RETREG1: variants seen among roughly 807,000 people sequenced by gnomAD.
The protein encoded by RETREG1 is family with sequence similarity 134 member B.
Under a neutral mutation model 54.8 loss-of-function variants are expected in RETREG1, and 44 were observed. The observed-to-expected ratio is 0.80, with a 90% CI of 0.63 to 1.03. RETREG1 has a LOEUF of 1.03. RETREG1 is among the 50% of genes least tolerant of loss of function. The pLI, the probability that RETREG1 is intolerant of heterozygous loss-of-function variation, is 0.00. For missense variants in RETREG1, 554 were observed against 605.1 expected, an observed-to-expected ratio of 0.92 and a Z score of 0.89; for synonymous variants, 217 against 238.5, an observed-to-expected ratio of 0.91 and a Z score of 0.83.
At chr5:16,614,173 T>C (rs1487296188) in intron 1 of RETREG1, among the ~76,000 whole-genome samples, 2 of 152,250 alleles carry the variant, frequency 1.3e-5, no homozygotes, top group Non-Finnish European at 2.9e-5. Context: ...CACCCCTGGA[T>C]ACTATCAAAT....
At chr5:16,598,238 T>A (rs916362860) in intron 1 of RETREG1, among the ~76,000 whole-genome samples, 9 of 152,210 alleles carry the variant, frequency 5.9e-5, no homozygotes, top group African/African-American at 2.2e-4. Context: ...AAATGTCACT[T>A]CTTCTAGGTC....
At chr5:16,566,114 T>C (rs1213041022) in intron 2 of RETREG1, among the ~76,000 whole-genome samples, 1 of 152,092 alleles carries the variant, frequency 6.6e-6, no homozygotes, top group Non-Finnish European at 1.5e-5. Flanking sequence ...CAAGTAAATA[T>C]GAACCAAGAT....
intron 3 of RETREG1, among the ~76,000 whole-genome samples, chr5:16,503,278 G>A (rs540067347): frequency 6.6e-6 from 1 of 152,242 alleles, no homozygotes; most frequent in South Asian, 2.1e-4. Context: ...TTAAATATTA[G>A]CCCAGCTGGG....
intron 3 of RETREG1, among the ~76,000 whole-genome samples, chr5:16,551,515 A>G (rs899186): frequency 0.83 from 126,017 of 152,004 alleles, 52,238 homozygotes; most frequent in Middle Eastern, 0.86. Flanking sequence ...CTTGCCCAGT[A>G]AGGACATTCT....
rs1738616499 is a variant in RETREG1, at chr5:16,478,043, AAG to A, written c.862_863del (p.Cys289SerfsTer2). On this transcript the variant is annotated frameshift_variant, in exon 7 of 9. Transcript: ENST00000306320. LOFTEE classifies it high-confidence loss of function. ...ACTAAACAAAAAATACCTTAGGACAAAGAGCTGAAAAGTCTAATTCACTGTCA... is the reference window on the plus strand; with the variant it reads ...ACTAAACAAAAAATACCTTAGGACAAAGCTGAAAAGTCTAATTCACTGTCA... ...KDDSELDFSA[L>X]CPKISLTVAA... is the part of the protein sequence containing the mutation. 6.2e-7 allele frequency: 1 copy of A among 1,608,570 alleles called. No individual in the cohort carries two copies. Among genetic ancestry groups the A allele is most frequent in the Non-Finnish European group, 8.5e-7 (1 of 1,176,990 alleles).
At position 16,496,026 on chromosome 5, in the gene RETREG1, A is replaced by C. The variant is rs183718238; in HGVS notation, c.459-12554T>G. On this transcript the variant is annotated intron_variant, in intron 3 of 8. Transcript: ENST00000306320. ...ATTTCTAGTTTTATTTATTTAAAAAAGGAGCAAGGATTTAATGACAGAAGT... is the reference window on the plus strand; with the variant it reads ...ATTTCTAGTTTTATTTATTTAAAAACGGAGCAAGGATTTAATGACAGAAGT... Among the ~76,000 whole-genome samples the C allele has an allele frequency of 4.7e-3, 723 of 152,290 alleles. 2 individuals carry two copies. The highest frequency in any genetic ancestry group is 8.6e-3 in the Non-Finnish European group (587 of 68,026).
chr5:16,509,898 GTGAGAGAATTGCT>G (rs1243292577), intron 3 of RETREG1, among the ~76,000 whole-genome samples: 1 of 152,210 alleles, frequency 6.6e-6, no homozygotes, highest in Non-Finnish European at 1.5e-5. Flanking sequence ...GGAGGCTGGA[GTGAGAGAATTGCT>G]TGAGCCCCAG....
At chr5:16,537,813 G>A (rs1244097744) in intron 3 of RETREG1, among the ~76,000 whole-genome samples, 3 of 152,092 alleles carry the variant, frequency 2.0e-5, no homozygotes, top group Non-Finnish European at 4.4e-5. Context: ...ATTCTCAGAC[G>A]CAGTGCTCTT....
At chr5:16,549,171 A>C (rs1430458348) in intron 3 of RETREG1, among the ~76,000 whole-genome samples, 3 of 152,232 alleles carry the variant, frequency 2.0e-5, no homozygotes, top group Non-Finnish European at 4.4e-5. Context: ...ATACTGATAA[A>C]ATTATCGATC....
chr5:16,516,673 A>T (rs1329668286), intron 3 of RETREG1, among the ~76,000 whole-genome samples: 1 of 152,192 alleles, frequency 6.6e-6, no homozygotes, highest in Non-Finnish European at 1.5e-5. Flanking sequence ...AGTGTGCCCA[A>T]TCAGGCTGTA....
chr5:16,577,303 T>C lies in RETREG1; in HGVS notation c.321-5201A>G, dbSNP rs561728471. Among the ~76,000 whole-genome samples the C allele has an allele frequency of 3.1e-3, 438 of 143,540 alleles. 3 individuals carry two copies. Among genetic ancestry groups the C allele is most frequent in the African/African-American group, 8.4e-3 (332 of 39,474 alleles). 94.2% of individuals were successfully genotyped at this position (143,540 alleles called of 152,430 possible). The stretch of plus-strand genomic sequence containing the variant: ...GACTTAGGTTTGTTTTTTTTTTTTT[T>C]CCCTCTAAAACCCAAAGATAGGTGG... On this transcript the variant is annotated intron_variant, in intron 1 of 8. Coordinates refer to ENST00000306320, the MANE Select transcript of RETREG1 (RefSeq NM_001034850.3).
Position 16,616,681 on chromosome 5 carries a change from G to C in RETREG1, c.291C>G (p.Leu97=). The C allele has an allele frequency of 2.5e-6, 4 of 1,596,302 alleles. No individual in the cohort carries two copies. Among genetic ancestry groups the C allele is most frequent in the South Asian group, 1.1e-5 (1 of 89,864 alleles). Residue 97 remains leucine (L), a synonymous_variant, in exon 1 of 9, where the codon CTC becomes CTG. Coordinates refer to ENST00000306320, the MANE Select transcript of RETREG1 (RefSeq NM_001034850.3). ...LSWKRPLRSL[L]GFVAANLLFW... ...ACAGCAGGTTGGCAGCGACGAAGCC[G>C]AGCAGGCTCCGCAGCGGCCTCTTCC... is the stretch of plus-strand genomic sequence containing the variant.
rs1738410642 is a variant in RETREG1 at position 16,473,906 on chromosome 5, G to A, written c.*835C>T. The A allele has an allele frequency of 1.3e-5, 2 of 152,032 alleles. No individual in the cohort carries two copies. The highest frequency in any genetic ancestry group is 1.3e-4 in the Admixed American group (2 of 15,266). The allele number at this position is 152,032 out of a possible 1,614,324, so 9.4% of individuals were successfully genotyped here. On this transcript the variant is annotated 3_prime_UTR_variant, in exon 9 of 9. Coordinates refer to ENST00000306320, the MANE Select transcript of RETREG1 (RefSeq NM_001034850.3). ...TTCATGACATAATATAAAAGATAAGGGTCTAACTTAAGTCTGAGCAGGCAG... is the reference window on the plus strand; with the variant it reads ...TTCATGACATAATATAAAAGATAAGAGTCTAACTTAAGTCTGAGCAGGCAG...
intron 8 of RETREG1, 41 bp downstream of exon 8, chr5:16,477,621 T>C: frequency 6.3e-7 from 1 of 1,589,892 alleles, no homozygotes; most frequent in Non-Finnish European, 8.6e-7. Flanking sequence ...TAGTTTTGTA[T>C]GCACTCATAA....
Position 16,536,736 on chromosome 5 carries a change from C to T in RETREG1, c.458+29027G>A, listed in dbSNP as rs145526097. ...AGTGGGAACATTTTTTGCCAAAAGA[C>T]TGAAAATCAGTGCAAGGTGTCAATG... is the stretch of plus-strand genomic sequence containing the variant. On this transcript the variant is annotated intron_variant, in intron 3 of 8. Coordinates refer to ENST00000306320, the MANE Select transcript of RETREG1 (RefSeq NM_001034850.3). Among the ~76,000 whole-genome samples the T allele has an allele frequency of 4.4e-3, 666 of 152,248 alleles. 4 individuals are homozygous for T. The highest frequency in any genetic ancestry group is 0.016 in the African/African-American group (644 of 41,534).
chr5:16,597,597 A>AG lies in RETREG1; in HGVS notation c.320+19054dup, dbSNP rs1476671475. ...CACCTCCAGAACCCTCCCAGGGAGA[A>AG]GGGCACTTCCAACCTGCACTGCCCT... is the stretch of plus-strand genomic sequence containing the variant. On this transcript the variant is annotated intron_variant, in intron 1 of 8. Coordinates refer to ENST00000306320, the MANE Select transcript of RETREG1 (RefSeq NM_001034850.3). The surrounding 1 kb of genome is among the most constrained non-coding windows in gnomAD (Gnocchi z 4.3). Among the ~76,000 whole-genome samples, 1 of 152,068 alleles carries AG rather than the reference A, an allele frequency of 6.6e-6. No homozygotes were observed. Among genetic ancestry groups the AG allele is most frequent in the African/African-American group, 2.4e-5 (1 of 41,410 alleles).
At chr5:16,542,600 C>T (rs547053955) in intron 3 of RETREG1, among the ~76,000 whole-genome samples, 5 of 152,122 alleles carry the variant, frequency 3.3e-5, no homozygotes, top group Non-Finnish European at 7.4e-5. Flanking sequence ...TACACTTGTC[C>T]ATCTGTGTAC....
rs1205143164 is a variant in RETREG1, at chr5:16,594,529, A to G, written c.320+22123T>C. 6.6e-6 allele frequency among the ~76,000 whole-genome samples: 1 copy of G among 152,114 alleles called. No individual in the cohort carries two copies. The highest frequency in any genetic ancestry group is 6.5e-5 in the Admixed American group (1 of 15,280). ...CACCTGAACTCAGGAGATCAAGACC[A>G]GCCTCACCAACATGGCAAAACCCCA... On this transcript the variant is annotated intron_variant, in intron 1 of 8. Coordinates refer to ENST00000306320, the MANE Select transcript of RETREG1 (RefSeq NM_001034850.3). The surrounding 1 kb of genome is among the most constrained non-coding windows in gnomAD (Gnocchi z 4.4).
intron 3 of RETREG1, among the ~76,000 whole-genome samples, chr5:16,526,550 G>A (rs1407755275): frequency 6.6e-6 from 1 of 152,184 alleles, no homozygotes; most frequent in Non-Finnish European, 1.5e-5. Flanking sequence ...CAGAAGTAGG[G>A]TCTGGAACTT....
Sources: gnomAD v4.1 joint callset for allele counts (sites outside exome capture counted in the v4.1 genomes callset) on GRCh38, gnomAD v4.1.1 for gene constraint, Gnocchi (gnomAD v3.1) non-coding constraint, MANE v1.5 for transcripts, NCBI Gene and HGNC (gene_info 2026-07-23, HGNC 2026-07-21) for gene names.